The following PDXDC1 variants were observed in gnomAD, a reference collection of about 807,000 sequenced individuals.
The protein encoded by PDXDC1 is pyridoxal-dependent decarboxylase domain-containing protein 1.
In PDXDC1, 42 loss-of-function variants were observed where a neutral mutation model predicts 100.1. The ratio of observed to expected loss-of-function variants is 0.42; its 90% CI spans 0.33 to 0.54. The LOEUF is 0.54. Among genes scored for constraint, PDXDC1 ranks in the 20% least tolerant of loss-of-function variants. The pLI, the probability that PDXDC1 is intolerant of heterozygous loss-of-function variation, is 0.10. For synonymous variants in PDXDC1, 260 were observed against 371.7 expected, an observed-to-expected ratio of 0.70 and a Z score of 3.46; for missense variants, 636 against 979.2, an observed-to-expected ratio of 0.65 and a Z score of 4.68.
At chr16:14,975,801 G>A (rs1966741147) in intron 1 of PDXDC1, among the ~76,000 whole-genome samples, 1 of 152,278 alleles carries the variant, frequency 6.6e-6, no homozygotes, top group Admixed American at 6.5e-5. Context: ...AACCGCCACC[G>A]CCCCGCTCCC....
intron 16 of PDXDC1, chr16:15,085,510 G>C (rs1234098699): frequency 2.5e-6 from 3 of 1,197,812 alleles, no homozygotes; most frequent in Admixed American, 4.9e-5. Flanking sequence ...CAGAGACAAG[G>C]TCTCACTATG....
chr16:15,017,848 A>C (rs1431313524), intron 11 of PDXDC1, among the ~76,000 whole-genome samples: 1 of 151,980 alleles, frequency 6.6e-6, no homozygotes, highest in Non-Finnish European at 1.5e-5. Flanking sequence ...CTGGAGTGCA[A>C]TGGTGAGATG....
chr16:14,983,999 A>G (rs996166745), intron 1 of PDXDC1, among the ~76,000 whole-genome samples: 2 of 152,248 alleles, frequency 1.3e-5, no homozygotes, highest in African/African-American at 4.8e-5. Flanking sequence ...TCCTATCTCT[A>G]TAAAAAATAA....
At chr16:15,065,308 G>A (rs771100252) in intron 16 of PDXDC1, 6 of 1,613,618 alleles carry the variant, frequency 3.7e-6, no homozygotes, top group African/African-American at 2.7e-5. Flanking sequence ...TACTCCTAAT[G>A]ACTGGCAGCA....
chr16:15,135,841 C>T (rs1467580867), intron 16 of PDXDC1: 10 of 1,485,236 alleles, frequency 6.7e-6, no homozygotes, highest in Non-Finnish European at 9.4e-6. Context: ...TGCTCCGTGC[C>T]AGTGGCGTGT....
intron 1 of PDXDC1, among the ~76,000 whole-genome samples, chr16:14,993,914 T>A (rs546123084): frequency 6.6e-6 from 1 of 152,302 alleles, no homozygotes; most frequent in Non-Finnish European, 1.5e-5. Flanking sequence ...CATTTTTTCA[T>A]GTGTCTTTTG....
At position 15,079,862 on chromosome 16, in the gene PDXDC1, G is replaced by A. The variant is rs1362595048; in HGVS notation, c.1399+49806G>A. 38 of 1,001,974 alleles carry A rather than the reference G, an allele frequency of 3.8e-5. No individual in the cohort carries two copies. In the South Asian group the frequency reaches 5.8e-4, roughly 15 times the overall value. 62.1% of individuals were successfully genotyped at this position (1,001,974 alleles called of 1,614,324 possible). On this transcript the variant is annotated intron_variant, in intron 16 of 16. Transcript: ENST00000535621. ...TCTGCCTGCCTCGGCCTCCCAAAGT[G>A]CTGGGAATACAGGCGTGAGTCACCA...
chr16:15,010,185 T>C (rs2041140390), intron 8 of PDXDC1: 2 of 186,742 alleles, frequency 1.1e-5, no homozygotes, highest in Admixed American at 6.0e-5. Context: ...TTGCTGGGAT[T>C]ACAGGTGCAT....
intron 16 of PDXDC1, chr16:15,045,408 A>C (rs1442021458): frequency 6.6e-6 from 1 of 151,806 alleles, no homozygotes; most frequent in African/African-American, 2.4e-5. Flanking sequence ...CAGAGGTTGC[A>C]GTGAGCCAAG....
At chr16:15,087,796 A>G (rs907132548) in intron 16 of PDXDC1, among the ~76,000 whole-genome samples, 2 of 152,224 alleles carry the variant, frequency 1.3e-5, no homozygotes, top group African/African-American at 2.4e-5. Context: ...AACTATAAGG[A>G]TAACATTTAA....
chr16:15,119,326 T>C (rs1315351131), intron 16 of PDXDC1: 1 of 297,442 alleles, frequency 3.4e-6, no homozygotes, highest in African/African-American at 2.3e-5. Flanking sequence ...CTTCCCTGCC[T>C]ATATTAAAAG....
At chr16:15,134,928 A>G (rs1404369926) in intron 16 of PDXDC1, 1 of 379,750 alleles carries the variant, frequency 2.6e-6, no homozygotes, top group East Asian at 6.3e-5. Flanking sequence ...GCCGGTCCAG[A>G]GTGGGGAGCG....
chr16:15,071,287 A>C (rs760969720), intron 16 of PDXDC1: 1 of 1,568,718 alleles, frequency 6.4e-7, no homozygotes, highest in South Asian at 1.2e-5. Context: ...GATCTTTTTT[A>C]ATGCCTAAGA....
intron 16 of PDXDC1, chr16:15,131,721 T>C: frequency 7.2e-7 from 1 of 1,389,020 alleles, no homozygotes; most frequent in Non-Finnish European, 9.5e-7. Context: ...CAGACAGACG[T>C]GAGGTCAGTG....
At chr16:15,152,049 C>T in the PDXDC1 span, among the ~76,000 whole-genome samples, 1 of 149,690 alleles carries the variant, frequency 6.7e-6, no homozygotes, top group South Asian at 2.1e-4. Context: ...CCCACGTCTC[C>T]CCACGGAGCT....
At chr16:15,061,653 C>A in intron 16 of PDXDC1, 1 of 1,280,500 alleles carries the variant, frequency 7.8e-7, no homozygotes, top group Non-Finnish European at 1.1e-6. Flanking sequence ...AGTTCAATGC[C>A]ATCAATGCCC....
intron 16 of PDXDC1, among the ~76,000 whole-genome samples, chr16:15,097,972 C>A (rs2046416771): frequency 1.8e-5 from 2 of 111,236 alleles, no homozygotes; most frequent in Non-Finnish European, 1.7e-5. Context: ...GACGGAGTCT[C>A]CCTCTGTTGC....
intron 16 of PDXDC1, chr16:15,094,125 G>A: frequency 6.3e-7 from 1 of 1,581,056 alleles, no homozygotes; most frequent in Non-Finnish European, 8.6e-7. Context: ...ATACGCAGAA[G>A]GAAGCGGCCT....
chr16:15,013,011 A>C (rs1257372024), intron 8 of PDXDC1, among the ~76,000 whole-genome samples: 1 of 152,256 alleles, frequency 6.6e-6, no homozygotes, highest in Non-Finnish European at 1.5e-5. Context: ...TCCACTAAAA[A>C]TACAAAAAAA....
Sources: gnomAD v4.1 joint callset for allele counts (sites outside exome capture counted in the v4.1 genomes callset) on GRCh38, gnomAD v4.1.1 for gene constraint, MANE v1.5 for transcripts, NCBI Gene and HGNC (gene_info 2026-07-23, HGNC 2026-07-21) for gene names.